CNTN5: variants seen among roughly 807,000 people sequenced by gnomAD.
CNTN5 encodes the protein contactin-5.
A neutral mutation model predicts 129.1 loss-of-function variants in CNTN5; 77 were observed. The observed-to-expected ratio is 0.60, with a 90% CI of 0.50 to 0.72. The LOEUF (loss-of-function observed/expected upper bound fraction) is 0.72, where lower values mean the gene tolerates loss of function less well. CNTN5 is among the 30% of genes least tolerant of loss of function. CNTN5 has a pLI of 0.00. For missense variants in CNTN5, 1,478 were observed against 1,328.8 expected (o/e 1.11, Z -1.75); for synonymous variants, 509 against 465.6 (o/e 1.09, Z -1.20).
chr11:100,030,889 G>A (rs545782153), intron 9 of CNTN5, among the ~76,000 whole-genome samples: 2 of 152,222 alleles, frequency 1.3e-5, no homozygotes, highest in South Asian at 2.1e-4. Context: ...AATCAGGGAT[G>A]GATCTAGAGC....
At chr11:99,896,422 G>A (rs1202496873) in intron 6 of CNTN5, among the ~76,000 whole-genome samples, 2 of 152,108 alleles carry the variant, frequency 1.3e-5, no homozygotes, top group Admixed American at 1.3e-4. Context: ...CTGAAGAGAT[G>A]GGTCACTTTC....
intron 6 of CNTN5, among the ~76,000 whole-genome samples, chr11:99,884,852 T>A (rs550227155): frequency 6.6e-6 from 1 of 152,150 alleles, no homozygotes; most frequent in East Asian, 1.9e-4. Flanking sequence ...TGGCATGTGC[T>A]TGTAGTCCCA....
At chr11:100,193,188 T>C (rs1948542410) in intron 14 of CNTN5, among the ~76,000 whole-genome samples, 1 of 151,964 alleles carries the variant, frequency 6.6e-6, no homozygotes, top group Admixed American at 6.6e-5. Flanking sequence ...CTTCTTTTTT[T>C]CTAATGTTCC....
chr11:99,785,042 G>GCCTGCCTCCGCCTGCCTCCA (rs964753860), intron 3 of CNTN5, among the ~76,000 whole-genome samples: 1 of 146,904 alleles, frequency 6.8e-6, no homozygotes, highest in Non-Finnish European at 1.5e-5. Context: ...CTCGTGATCC[G>GCCTGCCTCCGCCTGCCTCCA]CCTGCCTCCG....
At chr11:99,623,628 C>A (rs1044647311) in intron 3 of CNTN5, among the ~76,000 whole-genome samples, 1 of 151,214 alleles carries the variant, frequency 6.6e-6, no homozygotes, top group Admixed American at 6.6e-5. Flanking sequence ...CGGGTCTAAT[C>A]CAAGAATGTC....
rs191933745 is a variant in CNTN5 at position 99,931,865 on chromosome 11, C to T, written c.673+15716C>T. Among the ~76,000 whole-genome samples the T allele has an allele frequency of 1.6e-4, 25 of 152,294 alleles. No homozygotes were observed. In the South Asian group the frequency reaches 2.1e-3, roughly 13 times the overall value. ...ATGTGTCAGAATGTCTGGAAAGTTA[C>T]GATATCCTTCTAATTCCAGAGAGTA... On this transcript the variant is annotated intron_variant, in intron 7 of 24. Coordinates refer to ENST00000524871, the MANE Select transcript of CNTN5 (RefSeq NM_014361.4).
chr11:100,053,673 T>C (rs1052142215), intron 9 of CNTN5, among the ~76,000 whole-genome samples: 6 of 151,616 alleles, frequency 4.0e-5, no homozygotes, highest in African/African-American at 9.7e-5. Flanking sequence ...TAAGTACTTA[T>C]ACAGTTGAAC....
chr11:99,802,232 A>G (rs1946135890), intron 3 of CNTN5, among the ~76,000 whole-genome samples: 1 of 152,178 alleles, frequency 6.6e-6, no homozygotes, highest in South Asian at 2.1e-4. Flanking sequence ...GCTATGGGTA[A>G]GAGACAGTTA....
intron 1 of CNTN5, among the ~76,000 whole-genome samples, chr11:99,300,199 T>A (rs1311596190): frequency 1.3e-5 from 2 of 152,120 alleles, no homozygotes; most frequent in Non-Finnish European, 2.9e-5. Flanking sequence ...TTGTTCCACT[T>A]CTTAGGGGGA....
At chr11:100,147,469 T>A (rs1173524912) in intron 13 of CNTN5, among the ~76,000 whole-genome samples, 1 of 152,112 alleles carries the variant, frequency 6.6e-6, no homozygotes, top group Non-Finnish European at 1.5e-5. Context: ...GGAAAGAGTT[T>A]GTCTTGCCCC....
intron 8 of CNTN5, among the ~76,000 whole-genome samples, chr11:99,985,696 A>C (rs1938627994): frequency 6.6e-6 from 1 of 152,142 alleles, no homozygotes; most frequent in Non-Finnish European, 1.5e-5. Flanking sequence ...CAAGTGGAAG[A>C]CTAAAACATT....
intron 2 of CNTN5, among the ~76,000 whole-genome samples, chr11:99,439,756 G>A (rs7122647): frequency 0.18 from 25,845 of 147,458 alleles, 2,391 homozygotes; most frequent in Middle Eastern, 0.3. Context: ...TCACAAATTT[G>A]TATCTAAATC....
chr11:99,709,792 G>C (rs1954897731), intron 3 of CNTN5, among the ~76,000 whole-genome samples: 1 of 151,784 alleles, frequency 6.6e-6, no homozygotes, highest in African/African-American at 2.4e-5. Context: ...TTAAGGCAAA[G>C]ATATTGAGGT....
At chr11:99,983,912 C>A (rs1938508716) in intron 8 of CNTN5, among the ~76,000 whole-genome samples, 1 of 151,972 alleles carries the variant, frequency 6.6e-6, no homozygotes, top group Non-Finnish European at 1.5e-5. Context: ...ATGGTTTTGA[C>A]CAGTAAGATA....
intron 18 of CNTN5, among the ~76,000 whole-genome samples, chr11:100,295,082 G>C (rs1264977648): frequency 1.3e-5 from 2 of 151,490 alleles, no homozygotes; most frequent in Admixed American, 1.3e-4. Context: ...TTTAAAATTT[G>C]AGTAGCTGTT....
At chr11:100,231,865 C>T (rs960916451) in intron 16 of CNTN5, among the ~76,000 whole-genome samples, 3 of 152,066 alleles carry the variant, frequency 2.0e-5, no homozygotes, top group East Asian at 3.9e-4. Flanking sequence ...AATTAAAGAG[C>T]CTGTGAAGGC....
At chr11:99,985,032 C>T (rs963151673) in intron 8 of CNTN5, among the ~76,000 whole-genome samples, 4 of 152,130 alleles carry the variant, frequency 2.6e-5, no homozygotes, top group Admixed American at 1.3e-4. Flanking sequence ...GTGCCTGCAA[C>T]GGTGAAGCTC....
intron 2 of CNTN5, among the ~76,000 whole-genome samples, chr11:99,504,973 A>T (rs1247237681): frequency 2.0e-5 from 3 of 152,208 alleles, no homozygotes; most frequent in African/African-American, 7.2e-5. Flanking sequence ...GAAATAAAAT[A>T]GTCTTTGAAT....
rs1947649811 is a variant in CNTN5 at position 99,845,279 on chromosome 11, A to T, written c.577+17A>T. The T allele has an allele frequency of 6.7e-7, 1 of 1,502,142 alleles. No homozygotes were observed. The highest frequency in any genetic ancestry group is 9.1e-7 in the Non-Finnish European group (1 of 1,101,068). The allele number at this position is 1,502,142 out of a possible 1,614,324, so 93.1% of individuals were successfully genotyped here. On this transcript the variant is annotated intron_variant, in intron 6 of 24. Transcript: ENST00000524871. ...AGTTTGCCTGTGAGTAAAATATATG[A>T]TTTTTCTATATATATGTATATAGTG...
Sources: allele counts gnomAD v4.1 joint callset (sites outside exome capture counted in the v4.1 genomes callset), GRCh38; gene constraint gnomAD v4.1.1; transcripts MANE v1.5; gene names NCBI Gene and HGNC (gene_info 2026-07-23, HGNC 2026-07-21).